SLC2A9: variants seen among roughly 807,000 people sequenced by gnomAD.
SLC2A9 encodes solute carrier family 2, facilitated glucose transporter member 9.
In SLC2A9, 39 loss-of-function variants were observed where a neutral mutation model predicts 50.6. The ratio of observed to expected loss-of-function variants is 0.77; its 90% CI spans 0.60 to 1.01. The LOEUF is 1.01. Among genes scored for constraint, SLC2A9 ranks in the 50% least tolerant of loss-of-function variants. The pLI is 0.00. For missense variants in SLC2A9, 686 were observed against 677.6 expected, an observed-to-expected ratio of 1.01 and a Z score of -0.14; for synonymous variants, 324 against 276.9, an observed-to-expected ratio of 1.17 and a Z score of -1.69.
chr4:9,771,962 G>C (rs1560263705), intron 1 of SLC2A9, among the ~76,000 whole-genome samples: 3 of 152,242 alleles, frequency 2.0e-5, no homozygotes, highest in Non-Finnish European at 4.4e-5. Context: ...AGCTGGGGAA[G>C]CAAGAGATGA....
intron 6 of SLC2A9, among the ~76,000 whole-genome samples, chr4:9,923,115 C>T (rs1423414096): frequency 2.0e-5 from 3 of 152,064 alleles, no homozygotes; most frequent in Admixed American, 1.3e-4. Context: ...GAAGACTGAG[C>T]TGGAGTCCTG....
chr4:9,812,590 C>A (rs578184714), intron 3 of SLC2A9, among the ~76,000 whole-genome samples: 9 of 151,814 alleles, frequency 5.9e-5, no homozygotes, highest in African/African-American at 9.7e-5. Flanking sequence ...GTCCTTTCTG[C>A]ATCTAGGTCT....
At chr4:9,912,690 G>A (rs1742071774) in intron 7 of SLC2A9, among the ~76,000 whole-genome samples, 1 of 152,132 alleles carries the variant, frequency 6.6e-6, no homozygotes, top group South Asian at 2.1e-4. Flanking sequence ...AAAGAGTATG[G>A]GTTTAATTTA....
Position 9,899,698 on chromosome 4 carries a change from T to C in SLC2A9, c.1113+8537A>G, listed in dbSNP as rs569643646. Among the ~76,000 whole-genome samples the C allele has an allele frequency of 1.6e-3, 238 of 152,238 alleles. 1 individual carries two copies. Among genetic ancestry groups the C allele is most frequent in the South Asian group, 2.7e-3 (13 of 4,826 alleles). On this transcript the variant is annotated intron_variant, in intron 8 of 11. Coordinates refer to ENST00000264784, the MANE Select transcript of SLC2A9 (RefSeq NM_020041.3). ...CTGTTTGGGCCAAAGGTGTGAGAAA[T>C]GAGAGTTGTGTTTTAAATAATGATC...
At chr4:9,820,736 T>G (rs1426633192) in intron 3 of SLC2A9, among the ~76,000 whole-genome samples, 1 of 152,260 alleles carries the variant, frequency 6.6e-6, no homozygotes, top group Admixed American at 6.5e-5. Flanking sequence ...TTTTAGTTTT[T>G]AATTGTTCAT....
chr4:9,937,537 G>A (rs1483124951), intron 6 of SLC2A9, among the ~76,000 whole-genome samples: 1 of 152,212 alleles, frequency 6.6e-6, no homozygotes, highest in African/African-American at 2.4e-5. Flanking sequence ...TCCGGGAGCA[G>A]GTGACTGCCA....
intron 10 of SLC2A9, among the ~76,000 whole-genome samples, chr4:9,868,746 C>T (rs991427339): frequency 3.3e-5 from 5 of 152,128 alleles, no homozygotes; most frequent in Non-Finnish European, 4.4e-5. Flanking sequence ...AGAACTTCTC[C>T]CCTCAGCAAT....
In SLC2A9 at chr4:9,788,793, A is replaced by C. The variant is rs189853794; in HGVS notation, n.386-8728T>G. ...TCTTGTGTCCTTTTGACATGCTGTC[A>C]TTATTCTTTGAGTAGTTTTTTACTT... On this transcript the variant is annotated intron_variant and non_coding_transcript_variant, in intron 3 of 3. Coordinates refer to the SLC2A9 transcript ENST00000503803. 2.6e-5 allele frequency among the ~76,000 whole-genome samples: 4 copies of C among 152,218 alleles called. No homozygotes were observed. In the East Asian group the frequency reaches 7.7e-4, roughly 29 times the overall value.
chr4:9,984,255 G>C (rs1297819888), intron 4 of SLC2A9, among the ~76,000 whole-genome samples: 1 of 152,072 alleles, frequency 6.6e-6, no homozygotes, highest in East Asian at 1.9e-4. Context: ...TTACTTCCAG[G>C]CCCCCACTCT....
rs142366651 is a variant in SLC2A9 at position 9,990,925 on chromosome 4, T to C, written c.411-5132A>G. ...TTTCCTGGCTGGCTGGTTATCTCCC[T>C]ATCCCCTCAGGGATTCCCCCAGCTC... On this transcript the variant is annotated intron_variant, in intron 3 of 11. Transcript: ENST00000264784. Among the ~76,000 whole-genome samples the C allele has an allele frequency of 2.0e-3, 308 of 152,318 alleles. 1 individual carries two copies. The highest frequency in any genetic ancestry group is 7.0e-3 in the African/African-American group (290 of 41,570).
chr4:9,822,282 T>C (rs1724513213), downstream of SLC2A9, among the ~76,000 whole-genome samples: 1 of 152,204 alleles, frequency 6.6e-6, no homozygotes, highest in East Asian at 1.9e-4. Flanking sequence ...TATTTCCATT[T>C]TGGATTTCAT....
intron 2 of SLC2A9, among the ~76,000 whole-genome samples, chr4:9,999,787 G>C (rs953822844): frequency 2.0e-5 from 3 of 152,178 alleles, no homozygotes; most frequent in Admixed American, 6.5e-5. Flanking sequence ...GATCCCTCTG[G>C]CAAGTGGATG....
chr4:9,908,018 G>A (rs1741001045), intron 8 of SLC2A9, among the ~76,000 whole-genome samples: 1 of 152,146 alleles, frequency 6.6e-6, no homozygotes, highest in African/African-American at 2.4e-5. Flanking sequence ...CCACTTTGAG[G>A]TTTTGGGTCA....
In SLC2A9 at chr4:9,830,654, T is replaced by C. The variant is rs143322166; in HGVS notation, c.1420-4054A>G. Reference sequence around the variant, plus strand: ...ATAATTTGCTCTTTTCCAGAATTTATTGAGCTCAAACTGCATTTTATAACT... The same window carrying C: ...ATAATTTGCTCTTTTCCAGAATTTACTGAGCTCAAACTGCATTTTATAACT... On this transcript the variant is annotated intron_variant, in intron 11 of 11. Transcript: ENST00000264784. Among the ~76,000 whole-genome samples the C allele has an allele frequency of 1.3e-4, 20 of 152,376 alleles. No individual in the cohort carries two copies. In the East Asian group the frequency reaches 3.1e-3, roughly 23 times the overall value.
intron 6 of SLC2A9, among the ~76,000 whole-genome samples, chr4:9,930,555 T>A (rs1467581737): frequency 6.6e-6 from 1 of 152,208 alleles, no homozygotes; most frequent in African/African-American, 2.4e-5. Context: ...TCATGGCAGA[T>A]GCTTCATGGA....
At chr4:10,030,126 A>G (rs1000984333) in intron 1 of SLC2A9, among the ~76,000 whole-genome samples, 1 of 152,224 alleles carries the variant, frequency 6.6e-6, no homozygotes, top group Non-Finnish European at 1.5e-5. Context: ...ATTAGACAGG[A>G]GGATAAGTTT....
chr4:9,879,981 G>A (rs144929860), intron 10 of SLC2A9: 698 of 985,444 alleles, frequency 7.1e-4, no homozygotes, highest in Middle Eastern at 5.7e-3. Flanking sequence ...GTTCCTCACA[G>A]AAGCTGCCTC....
intron 1 of SLC2A9, among the ~76,000 whole-genome samples, chr4:9,774,365 C>T (rs1377448395): frequency 4.6e-5 from 7 of 152,310 alleles, no homozygotes; most frequent in African/African-American, 1.7e-4. Flanking sequence ...TATCCTTTCA[C>T]ACGTAAAGCT....
At chr4:9,946,867 G>T (rs549701144) in intron 5 of SLC2A9, among the ~76,000 whole-genome samples, 8 of 152,264 alleles carry the variant, frequency 5.3e-5, no homozygotes, top group African/African-American at 1.9e-4. Context: ...AAACTGAGCA[G>T]AGTCCTATCC....
Sources: allele counts gnomAD v4.1 joint callset (sites outside exome capture counted in the v4.1 genomes callset), GRCh38; gene constraint gnomAD v4.1.1; transcripts MANE v1.5; gene names NCBI Gene and HGNC (gene_info 2026-07-23, HGNC 2026-07-21).